The following ATP13A3 variants were observed in gnomAD, a reference collection of about 807,000 sequenced individuals.
The protein encoded by ATP13A3 is polyamine-transporting ATPase 13A3.
ATP13A3 carries 59 observed loss-of-function variants against 158.1 expected under a neutral mutation model. The ratio of observed to expected loss-of-function variants is 0.37; its 90% confidence interval spans 0.30 to 0.46. The LOEUF is 0.46. Among genes scored for constraint, ATP13A3 ranks in the 20% least tolerant of loss-of-function variants. The pLI is 1.00. For synonymous variants in ATP13A3, 491 were observed against 504.3 expected (o/e 0.97, Z 0.35); for missense variants, 1,166 against 1,525.2 (o/e 0.76, Z 3.92).
rs140971820 is a variant in ATP13A3 at position 194,463,490 on chromosome 3, T to C, written c.-46-1254A>G. ...AATTCATATATGGTATCAATAGCTA[T>C]AGTCCACATAAATAAAAGCTCTTTA... On this transcript the variant is annotated intron_variant, in intron 2 of 33. Transcript: ENST00000645319. Among the ~76,000 whole-genome samples the C allele has an allele frequency of 1.1e-4, 17 of 152,296 alleles. No individual in the cohort carries two copies. In the East Asian group the frequency reaches 3.1e-3, roughly 28 times the overall value.
intron 2 of ATP13A3, 126 bp from the exon 3 acceptor site, chr3:194,462,362 A>G (rs942644706): frequency 1.7e-6 from 1 of 601,920 alleles, no homozygotes; most frequent in African/African-American, 1.9e-5. Context: ...CCTGTTAGGA[A>G]CAGGGCCACA....
At chr3:194,486,508 C>G (rs1720983497) in intron 1 of ATP13A3, 58 bp downstream of exon 1, 1 of 152,766 alleles carries the variant, frequency 6.5e-6, no homozygotes, top group Admixed American at 6.6e-5. Flanking sequence ...CCGACACCAC[C>G]ATTCGCCTCC....
chr3:194,429,561 G>A (rs1717066363), intron 27 of ATP13A3, 117 bp downstream of exon 27: 2 of 588,460 alleles, frequency 3.4e-6, no homozygotes, highest in East Asian at 3.2e-5. Flanking sequence ...TAAATTTATA[G>A]GTACTACTCA....
intron 31 of ATP13A3, among the ~76,000 whole-genome samples, chr3:194,419,124 T>C (rs532358717): frequency 6.6e-6 from 1 of 152,054 alleles, no homozygotes; most frequent in Non-Finnish European, 1.5e-5. Context: ...TATACAGCAA[T>C]GAAAATAAAA....
rs868047552 is a variant in ATP13A3 at position 194,481,582 on chromosome 3, T to A, written c.-47+4212A>T. 3.9e-5 allele frequency among the ~76,000 whole-genome samples: 6 copies of A among 152,132 alleles called. No homozygotes were observed. The South Asian group carries it at 1.0e-3, about 26-fold the overall frequency. On this transcript the variant is annotated intron_variant, in intron 2 of 33. Coordinates refer to ENST00000645319, the MANE Select transcript of ATP13A3 (RefSeq NM_001367549.1). ...AATCCATGATCTCTCCGCATTATTT[T>A]CCAGTCTCACACCTCTTTATTTCAA...
intron 2 of ATP13A3, among the ~76,000 whole-genome samples, chr3:194,492,576 T>A (rs1721158666): frequency 1.3e-5 from 2 of 151,844 alleles, no homozygotes. Context: ...TGCCTCAGCC[T>A]CCCAAGTAGC....
chr3:194,426,333 CA>C (rs1442983590), intron 29 of ATP13A3, among the ~76,000 whole-genome samples: 3 of 152,126 alleles, frequency 2.0e-5, no homozygotes, highest in African/African-American at 7.2e-5. Context: ...TTTAATTCTA[CA>C]AAATTAACAC....
chr3:194,455,295 C>T (rs1719145486), intron 8 of ATP13A3, among the ~76,000 whole-genome samples: 1 of 152,136 alleles, frequency 6.6e-6, no homozygotes, highest in Non-Finnish European at 1.5e-5. Context: ...TTATCAATTT[C>T]ATTAAACACC....
At chr3:194,415,818 A>G (rs1178938176) in intron 31 of ATP13A3, among the ~76,000 whole-genome samples, 1 of 152,096 alleles carries the variant, frequency 6.6e-6, no homozygotes, top group Non-Finnish European at 1.5e-5. Flanking sequence ...AAAACACTGG[A>G]ACCAACCTAA....
intron 2 of ATP13A3, among the ~76,000 whole-genome samples, chr3:194,472,349 C>T (rs887388365): frequency 2.6e-5 from 4 of 151,968 alleles, no homozygotes; most frequent in Non-Finnish European, 5.9e-5. Flanking sequence ...AGTTCCTTCA[C>T]GCTGGTCTCA....
At chr3:194,469,129 T>TCA (rs1293059479) in intron 2 of ATP13A3, among the ~76,000 whole-genome samples, 2 of 146,250 alleles carry the variant, frequency 1.4e-5, no homozygotes, top group African/African-American at 2.6e-5. Flanking sequence ...CAAGACTCCA[T>TCA]CACACACACA....
At chr3:194,429,634 G>T in intron 27 of ATP13A3, 44 bp downstream of exon 27, 1 of 1,381,404 alleles carries the variant, frequency 7.2e-7, no homozygotes, top group Non-Finnish European at 1.0e-6. Context: ...CTTAATTTAC[G>T]GTGCACATTA....
intron 31 of ATP13A3, among the ~76,000 whole-genome samples, chr3:194,415,658 A>ATTTTTTTTT (rs1715780753): frequency 8.1e-6 from 1 of 122,940 alleles, no homozygotes; most frequent in African/African-American, 3.6e-5. Context: ...ACAATACCAC[A>ATTTTTTTTT]TTCTTTTTTT....
rs753872961 is a variant in ATP13A3, at chr3:194,459,938, G to C, written c.259C>G (p.Arg87Gly). The change falls in exon 5 of 34, where the codon CGC (arginine) becomes GGC (glycine). Residue 87 changes from arginine (R) to glycine (G), a missense_variant. Coordinates refer to ENST00000645319, the MANE Select transcript of ATP13A3 (RefSeq NM_001367549.1). ...EFKMWFCAKI[R>G]VLSLETYPVS... ...GGGTAAGTTTCCAAAGAAAGAACGC[G>C]AATTTTTGCACAAAACCACATTTTG... 3.1e-6 allele frequency: 5 copies of C among 1,612,730 alleles called. No homozygotes were observed. In the South Asian group the frequency reaches 5.5e-5, roughly 18 times the overall value.
At chr3:194,492,181 T>C (rs1032102817) in intron 2 of ATP13A3, among the ~76,000 whole-genome samples, 1 of 152,104 alleles carries the variant, frequency 6.6e-6, no homozygotes, top group African/African-American at 2.4e-5. Flanking sequence ...CTTCCCCAAG[T>C]TACTCCAGCT....
At chr3:194,450,448 G>T in intron 10 of ATP13A3, 172 bp from the exon 11 acceptor site, 1 of 619,526 alleles carries the variant, frequency 1.6e-6, no homozygotes, top group Non-Finnish European at 2.7e-6. Flanking sequence ...GGCTAACAAA[G>T]CACGGTGTGT....
At chr3:194,471,308 A>C (rs113992311) in intron 2 of ATP13A3, among the ~76,000 whole-genome samples, 3 of 148,250 alleles carry the variant, frequency 2.0e-5, no homozygotes, top group African/African-American at 5.1e-5. Flanking sequence ...ATACAGCGTT[A>C]AGTAGCAGCA....
At chr3:194,434,595 G>C (rs1194341630) in intron 20 of ATP13A3, among the ~76,000 whole-genome samples, 1 of 152,146 alleles carries the variant, frequency 6.6e-6, no homozygotes, top group Non-Finnish European at 1.5e-5. Flanking sequence ...TAAAAGAGAT[G>C]AAGTCTGTTC....
At position 194,441,356 on chromosome 3, in the gene ATP13A3, G is replaced by C. The variant is rs764753648; in HGVS notation, c.1665C>G (p.Leu555=). 6.2e-7 allele frequency: 1 copy of C among 1,613,746 alleles called. No homozygotes were observed. Among genetic ancestry groups the C allele is most frequent in the Non-Finnish European group, 8.5e-7 (1 of 1,179,798 alleles). The part of the protein sequence containing the change: ...CHSLTKIEGV[L]SGDPLDLKMF... ...TTTTCAGATCAAGTGGATCACCAGAGAGCACTCCTTCAATTTTTGTAAGTG... is the reference window on the plus strand; with the variant it reads ...TTTTCAGATCAAGTGGATCACCAGACAGCACTCCTTCAATTTTTGTAAGTG... Residue 555 remains leucine (L), a synonymous_variant, in exon 16 of 34, where the codon CTC becomes CTG. Coordinates refer to ENST00000645319, the MANE Select transcript of ATP13A3 (RefSeq NM_001367549.1).
Sources: gnomAD v4.1 joint callset for allele counts (sites outside exome capture counted in the v4.1 genomes callset) on GRCh38, gnomAD v4.1.1 for gene constraint, MANE v1.5 for transcripts, NCBI Gene and HGNC (gene_info 2026-07-23, HGNC 2026-07-21) for gene names.